SESN3: variants seen among roughly 807,000 people sequenced by gnomAD.
SESN3 encodes the protein sestrin-3.
Under a neutral mutation model 55.3 loss-of-function variants are expected in SESN3, and 21 were observed. That is an observed-to-expected ratio of 0.38 (90% CI 0.27 to 0.55). The LOEUF (loss-of-function observed/expected upper bound fraction) is 0.55. Ranked by LOEUF, SESN3 falls within the 20% of genes least tolerant of loss-of-function variation. SESN3 has a pLI of 0.76. For synonymous variants in SESN3, 181 were observed against 203.1 expected, an observed-to-expected ratio of 0.89 and a Z score of 0.93; for missense variants, 408 against 604.3, an observed-to-expected ratio of 0.68 and a Z score of 3.41.
At position 95,230,737 on chromosome 11, in the gene SESN3, G is replaced by T; in HGVS notation, c.78+46C>A. The T allele has an allele frequency of 6.7e-7, 1 of 1,493,540 alleles. No homozygotes were observed. Among genetic ancestry groups the T allele is most frequent in the South Asian group, 1.1e-5 (1 of 87,180 alleles). The allele number at this position is 1,493,540 out of a possible 1,614,324, so 92.5% of individuals were successfully genotyped here. ...GGGACGAGCCGCCCGAGCCCCGGCCGGCAGGAAGCGACCCTCGCCGGCAGG... is the reference window on the plus strand; with the variant it reads ...GGGACGAGCCGCCCGAGCCCCGGCCTGCAGGAAGCGACCCTCGCCGGCAGG... On this transcript the variant is annotated intron_variant, in intron 1 of 9. Coordinates refer to ENST00000536441, the MANE Select transcript of SESN3 (RefSeq NM_144665.4). The surrounding 1 kb of genome is among the most constrained non-coding windows in gnomAD (Gnocchi z 4.6).
chr11:95,209,155 T>G (rs1323325120), intron 1 of SESN3, among the ~76,000 whole-genome samples: 2 of 151,288 alleles, frequency 1.3e-5, no homozygotes, highest in African/African-American at 2.4e-5. Flanking sequence ...GGGAGAAAAT[T>G]TTTGCAATCT....
rs3032056 is a variant in SESN3, at chr11:95,206,365, TACACACACACACAC to T, written c.79-12857_79-12844del. Among the ~76,000 whole-genome samples the T allele has an allele frequency of 7.3e-4, 103 of 140,466 alleles. 1 individual carries two copies. The highest frequency in any genetic ancestry group is 2.4e-3 in the African/African-American group (91 of 38,314). 92.2% of individuals were successfully genotyped at this position (140,466 alleles called of 152,430 possible). On this transcript the variant is annotated intron_variant, in intron 1 of 9. Transcript: ENST00000536441. Reference sequence around the variant, plus strand: ...TCCTGGATTTATGCCAGTCCTAAAATACACACACACACACACACACACACACACACACACACACA... The same window carrying T: ...TCCTGGATTTATGCCAGTCCTAAAATACACACACACACACACACACACACA...
chr11:95,218,246 T>C (rs938875678), intron 1 of SESN3, among the ~76,000 whole-genome samples: 1 of 152,240 alleles, frequency 6.6e-6, no homozygotes, highest in Non-Finnish European at 1.5e-5. Flanking sequence ...CAAAATATTA[T>C]TACCCAGCCC....
chr11:95,186,193 A>AGTGT (rs1860160243), intron 4 of SESN3, among the ~76,000 whole-genome samples: 1 of 18,008 alleles, frequency 5.6e-5, no homozygotes, highest in African/African-American at 1.9e-4. Flanking sequence ...TCTATCTCTC[A>AGTGT]CTGTGTGTGT....
intron 1 of SESN3, among the ~76,000 whole-genome samples, chr11:95,206,406 A>T (rs981519075): frequency 7.1e-5 from 10 of 140,860 alleles, no homozygotes; most frequent in South Asian, 2.3e-4. Flanking sequence ...ACACACACAC[A>T]CTCTTATAAT....
At chr11:95,176,519 A>G (rs144583783) in intron 8 of SESN3, among the ~76,000 whole-genome samples, 47 of 152,320 alleles carry the variant, frequency 3.1e-4, no homozygotes, top group Non-Finnish European at 5.3e-4. Context: ...GATTTTGTGC[A>G]TAAGTGTATA....
At chr11:95,202,821 TAAG>T (rs1406215770) in intron 1 of SESN3, among the ~76,000 whole-genome samples, 2 of 152,068 alleles carry the variant, frequency 1.3e-5, no homozygotes, top group South Asian at 4.1e-4. Context: ...AAAAAAGTAT[TAAG>T]AAGGTCTTTA....
chr11:95,205,422 G>T (rs1860530196), intron 1 of SESN3, among the ~76,000 whole-genome samples: 1 of 152,098 alleles, frequency 6.6e-6, no homozygotes, highest in Non-Finnish European at 1.5e-5. Flanking sequence ...AAGCAGTATG[G>T]ATTAAAGAAA....
At chr11:95,231,628 T>G (rs997231559), upstream of SESN3, 1 of 152,680 alleles carries the variant, frequency 6.5e-6, no homozygotes, top group Non-Finnish European at 1.5e-5. Context: ...GAGTCTAAGA[T>G]TGAGCTAAAT....
At chr11:95,191,337 C>G (rs533204383) in intron 3 of SESN3, 67 bp downstream of exon 3, 67 of 1,223,738 alleles carry the variant, frequency 5.5e-5, no homozygotes, top group Non-Finnish European at 7.6e-5. Flanking sequence ...GGACACATGC[C>G]TATTTTGGAA....
chr11:95,172,615 G>A lies in SESN3; in HGVS notation c.*640C>T, dbSNP rs994252783. 4 of 152,068 alleles carry A rather than the reference G, an allele frequency of 2.6e-5. No homozygotes were observed. The highest frequency in any genetic ancestry group is 1.3e-4 in the Admixed American group (2 of 15,272). 9.4% of individuals were successfully genotyped at this position (152,068 alleles called of 1,614,324 possible). A position where few individuals can be genotyped will look rare whatever the true frequency, so the allele number is the denominator to read the frequency against. ...ATGATTAATTTCACATTAAATTATG[G>A]GCAATAGCTGTATCACATTTCATGT... On this transcript the variant is annotated 3_prime_UTR_variant, in exon 10 of 10. Transcript: ENST00000536441.
Position 95,186,691 on chromosome 11 carries a change from A to T in SESN3, c.526-1199T>A, listed in dbSNP as rs191313661. ...ATCTGGTCATTGTACATTATATATT[A>T]TCAAAATATCACTATGTACCCCATG... On this transcript the variant is annotated intron_variant, in intron 4 of 9. Transcript: ENST00000536441. 8.5e-5 allele frequency among the ~76,000 whole-genome samples: 13 copies of T among 152,074 alleles called. No individual in the cohort carries two copies. The East Asian group carries it at 2.3e-3, about 27-fold the overall frequency.
At chr11:95,213,421 G>A (rs934596493) in intron 1 of SESN3, among the ~76,000 whole-genome samples, 2 of 152,152 alleles carry the variant, frequency 1.3e-5, no homozygotes, top group African/African-American at 4.8e-5. Context: ...TAAGATTACC[G>A]ATGACAATGT....
rs928965567 is a variant in SESN3, at chr11:95,172,644, C to T, written c.*611G>A. 5.9e-5 allele frequency: 9 copies of T among 152,054 alleles called. No individual in the cohort carries two copies. Among genetic ancestry groups the T allele is most frequent in the East Asian group, 1.9e-4 (1 of 5,192 alleles). 9.4% of individuals were successfully genotyped at this position (152,054 alleles called of 1,614,324 possible). On this transcript the variant is annotated 3_prime_UTR_variant, in exon 10 of 10. Coordinates refer to ENST00000536441, the MANE Select transcript of SESN3 (RefSeq NM_144665.4). ...ATAGCTGTATCACATTTCATGTTAT[C>T]GCCAATAGCAGTAAAACAACAATAA...
chr11:95,204,608 A>T (rs1000361925), intron 1 of SESN3, among the ~76,000 whole-genome samples: 1 of 152,028 alleles, frequency 6.6e-6, no homozygotes, highest in African/African-American at 2.4e-5. Context: ...TGCCCTTTAT[A>T]AAAGAGACCC....
At chr11:95,197,310 CT>C (rs747744803) in intron 1 of SESN3, among the ~76,000 whole-genome samples, 4 of 152,066 alleles carry the variant, frequency 2.6e-5, no homozygotes, top group African/African-American at 4.8e-5. Context: ...CTACCTTTTG[CT>C]TTTTATGTAA....
At chr11:95,191,673 C>T in intron 2 of SESN3, 72 bp from the exon 3 acceptor site, 1 of 1,128,512 alleles carries the variant, frequency 8.9e-7, no homozygotes, top group Non-Finnish European at 1.3e-6. Flanking sequence ...ATAAATTATG[C>T]CACTATTGAA....
intron 1 of SESN3, among the ~76,000 whole-genome samples, chr11:95,208,059 G>A (rs928495073): frequency 5.9e-5 from 2 of 33,884 alleles, no homozygotes; most frequent in Admixed American, 3.8e-4. Context: ...TTATTGTCAG[G>A]ATTATGGTAT....
At chr11:95,222,942 T>TA (rs1860884431) in intron 1 of SESN3, among the ~76,000 whole-genome samples, 2 of 152,202 alleles carry the variant, frequency 1.3e-5, no homozygotes, top group African/African-American at 4.8e-5. Flanking sequence ...GTAGTGTATT[T>TA]ACTTTATATA....
Sources: allele counts gnomAD v4.1 joint callset (sites outside exome capture counted in the v4.1 genomes callset), GRCh38; gene constraint gnomAD v4.1.1; non-coding constraint Gnocchi (gnomAD v3.1); transcripts MANE v1.5; gene names NCBI Gene and HGNC (gene_info 2026-07-23, HGNC 2026-07-21).